MEGF11: variants seen among roughly 807,000 people sequenced by gnomAD.
The protein encoded by MEGF11 is multiple epidermal growth factor-like domains protein 11.
A neutral mutation model predicts 146.6 loss-of-function variants in MEGF11; 126 were observed. The ratio of observed to expected loss-of-function variants is 0.86; its 90% confidence interval spans 0.74 to 1.00. The LOEUF is 1.00. MEGF11 is among the 50% of genes least tolerant of loss of function. The pLI is 0.00. For synonymous variants in MEGF11, 532 were observed against 583.4 expected (o/e 0.91, Z 1.27); for missense variants, 1,509 against 1,521.2 (o/e 0.99, Z 0.13).
chr15:66,112,392 C>A (rs2087474949), intron 4 of MEGF11, among the ~76,000 whole-genome samples: 1 of 152,132 alleles, frequency 6.6e-6, no homozygotes. Context: ...GGTTAATTAG[C>A]AGAACCACAG....
At chr15:66,069,947 C>T (rs1475740189) in intron 5 of MEGF11, among the ~76,000 whole-genome samples, 5 of 152,240 alleles carry the variant, frequency 3.3e-5, no homozygotes, top group African/African-American at 1.2e-4. Flanking sequence ...TAAAAGCAGG[C>T]AATGGAATAG....
chr15:65,927,213 G>A (rs934670497), intron 13 of MEGF11, among the ~76,000 whole-genome samples: 2 of 152,158 alleles, frequency 1.3e-5, no homozygotes, highest in African/African-American at 4.8e-5. Context: ...CACTTTATAG[G>A]TAGTAACTCA....
chr15:66,166,119 C>A (rs1230628326), intron 1 of MEGF11, among the ~76,000 whole-genome samples: 1 of 152,186 alleles, frequency 6.6e-6, no homozygotes, highest in Admixed American at 6.5e-5. Context: ...ATATCGCCAG[C>A]TGCCTACTTG....
chr15:65,914,315 A>G (rs562227049), intron 19 of MEGF11, among the ~76,000 whole-genome samples: 43 of 152,314 alleles, frequency 2.8e-4, no homozygotes, highest in African/African-American at 6.5e-4. Flanking sequence ...GAAAAAACCA[A>G]TTTATCAAAA....
At chr15:65,906,226 T>TC in intron 23 of MEGF11, 85 bp from the exon 24 acceptor site, 2 of 965,918 alleles carry the variant, frequency 2.1e-6, no homozygotes, top group South Asian at 1.5e-5. Flanking sequence ...TTTCTTGCTT[T>TC]TCCCCCCCCT....
intron 10 of MEGF11, among the ~76,000 whole-genome samples, chr15:65,949,278 A>G (rs1028488702): frequency 1.4e-4 from 22 of 152,296 alleles, no homozygotes; most frequent in African/African-American, 4.8e-4. Context: ...GGGAAATTCA[A>G]TCACTGCTCC....
intron 1 of MEGF11, among the ~76,000 whole-genome samples, chr15:66,253,297 G>C (rs1056884399): frequency 6.6e-6 from 1 of 152,188 alleles, no homozygotes; most frequent in Non-Finnish European, 1.5e-5. Context: ...TCCCCCGCAC[G>C]TGGAGGCGCC....
chr15:65,919,964 G>C (rs1225463431), intron 15 of MEGF11, among the ~76,000 whole-genome samples: 1 of 150,730 alleles, frequency 6.6e-6, no homozygotes, highest in Non-Finnish European at 1.5e-5. Flanking sequence ...TGCAGTTTCT[G>C]TGAAGCACAA....
At chr15:66,121,091 C>A (rs1278545309) in intron 3 of MEGF11, among the ~76,000 whole-genome samples, 1 of 152,186 alleles carries the variant, frequency 6.6e-6, no homozygotes, top group South Asian at 2.1e-4. Flanking sequence ...AGCTGCAAGG[C>A]AACTTAATAA....
At chr15:66,000,001 A>T (rs191521726) in intron 5 of MEGF11, among the ~76,000 whole-genome samples, 3 of 152,298 alleles carry the variant, frequency 2.0e-5, no homozygotes, top group Admixed American at 1.3e-4. Flanking sequence ...GAGATGAAGT[A>T]CAAGTGCTGC....
intron 10 of MEGF11, among the ~76,000 whole-genome samples, chr15:65,949,751 C>A (rs1266918848): frequency 2.0e-5 from 3 of 152,196 alleles, no homozygotes; most frequent in African/African-American, 7.2e-5. Flanking sequence ...GCAGCCCTGG[C>A]AGTGACCTCA....
At chr15:66,076,346 G>A (rs1320733041) in intron 5 of MEGF11, among the ~76,000 whole-genome samples, 2 of 45,630 alleles carry the variant, frequency 4.4e-5, no homozygotes, top group South Asian at 1.3e-3. Flanking sequence ...AAAGATCTTT[G>A]TAAAAAAAAA....
chr15:65,921,084 C>T (rs1268427972), intron 15 of MEGF11, among the ~76,000 whole-genome samples: 1 of 152,176 alleles, frequency 6.6e-6, no homozygotes, highest in Non-Finnish European at 1.5e-5. Context: ...CTCAAAGCAT[C>T]ATGTAGTAAA....
intron 1 of MEGF11, among the ~76,000 whole-genome samples, chr15:66,229,806 C>G (rs911328755): frequency 2.0e-5 from 3 of 152,088 alleles, no homozygotes; most frequent in African/African-American, 7.2e-5. Context: ...CAGAGCTGGC[C>G]AAGATGGGAA....
Position 66,119,082 on chromosome 15 carries a change from A to T in MEGF11, c.301+4T>A. 1 of 1,546,024 alleles carries T rather than the reference A, an allele frequency of 6.5e-7. No homozygotes were observed. Among genetic ancestry groups the T allele is most frequent in the Non-Finnish European group, 8.7e-7 (1 of 1,143,022 alleles). ...AGGGCAGAACAGCAGCAGCCCCTAC[A>T]TACGTATGCAGAAGTCTCCGCTCTC... On this transcript the variant is annotated splice_donor_region_variant and intron_variant, in intron 4 of 25. Coordinates refer to ENST00000395614, the MANE Select transcript of MEGF11 (RefSeq NM_001385028.1).
intron 5 of MEGF11, among the ~76,000 whole-genome samples, chr15:66,068,101 A>C (rs1348885566): frequency 1.3e-5 from 2 of 151,848 alleles, no homozygotes; most frequent in Non-Finnish European, 1.5e-5. Context: ...AAAAATAAAA[A>C]CCCCTGGTAT....
intron 1 of MEGF11, among the ~76,000 whole-genome samples, chr15:66,209,003 C>T (rs940355178): frequency 1.4e-4 from 22 of 152,136 alleles, no homozygotes; most frequent in Non-Finnish European, 2.9e-4. Context: ...CATTGCTGCT[C>T]GGAATATAAA....
At chr15:66,082,993 C>A (rs1013631925) in intron 5 of MEGF11, among the ~76,000 whole-genome samples, 7 of 152,190 alleles carry the variant, frequency 4.6e-5, no homozygotes, top group African/African-American at 1.7e-4. Context: ...CCATCCTATA[C>A]CTCTGCTTTG....
chr15:66,097,232 T>C (rs1348913706), intron 4 of MEGF11, among the ~76,000 whole-genome samples: 1 of 152,166 alleles, frequency 6.6e-6, no homozygotes, highest in South Asian at 2.1e-4. Context: ...TATTTGGCAA[T>C]TGGGCCACCG....
Sources: gnomAD v4.1 joint callset for allele counts (sites outside exome capture counted in the v4.1 genomes callset) on GRCh38, gnomAD v4.1.1 for gene constraint, MANE v1.5 for transcripts, NCBI Gene and HGNC (gene_info 2026-07-23, HGNC 2026-07-21) for gene names.